BPTF: variants seen among roughly 807,000 people sequenced by gnomAD.
BPTF encodes bromodomain PHD finger transcription factor.
Under a neutral mutation model 292.5 loss-of-function variants are expected in BPTF, and 18 were observed. The observed-to-expected ratio is 0.06, with a 90% confidence interval of 0.04 to 0.09. BPTF has a LOEUF of 0.09. BPTF is among the 10% of genes least tolerant of loss of function. The probability of loss-of-function intolerance (pLI) is 1.00; values close to 1 mark genes in which losing one functional copy is unlikely to be tolerated. For synonymous variants in BPTF, 1,225 were observed against 1,251.9 expected, an observed-to-expected ratio of 0.98 and a Z score of 0.45; for missense variants, 2,726 against 3,498.7, an observed-to-expected ratio of 0.78 and a Z score of 5.57.
intron 10 of BPTF, among the ~76,000 whole-genome samples, chr17:67,910,299 C>T (rs528229545): frequency 1.3e-5 from 2 of 152,192 alleles, no homozygotes; most frequent in South Asian, 2.1e-4. Context: ...TTTGGCTATA[C>T]GAATAATGCT....
intron 2 of BPTF, among the ~76,000 whole-genome samples, chr17:67,861,267 T>C (rs1375547081): frequency 6.6e-6 from 1 of 152,122 alleles, no homozygotes; most frequent in Non-Finnish European, 1.5e-5. Flanking sequence ...TACAAGCCAG[T>C]GTCATCTTCA....
chr17:67,949,391 A>G (rs2066066493), intron 23 of BPTF, among the ~76,000 whole-genome samples: 2 of 151,860 alleles, frequency 1.3e-5, no homozygotes, highest in South Asian at 2.1e-4. Context: ...CCAGACCAAC[A>G]TGGTGAAACC....
At chr17:67,831,908 A>G (rs1335140619) in intron 1 of BPTF, among the ~76,000 whole-genome samples, 1 of 151,994 alleles carries the variant, frequency 6.6e-6, no homozygotes, top group African/African-American at 2.4e-5. Flanking sequence ...TTATTTATTT[A>G]TGAGACAGAG....
intron 2 of BPTF, among the ~76,000 whole-genome samples, chr17:67,858,976 A>T (rs2058904622): frequency 6.6e-6 from 1 of 152,188 alleles, no homozygotes; most frequent in South Asian, 2.1e-4. Context: ...TTAGTTTCAG[A>T]GACCTGTAAA....
intron 23 of BPTF, 130 bp downstream of exon 23, chr17:67,948,436 T>A: frequency 1.2e-6 from 1 of 827,182 alleles, no homozygotes; most frequent in Non-Finnish European, 1.8e-6. Context: ...GTACATAGAG[T>A]AAAAAGCAGT....
At chr17:67,958,470 G>C (rs1409913724) in intron 23 of BPTF, among the ~76,000 whole-genome samples, 4 of 152,202 alleles carry the variant, frequency 2.6e-5, no homozygotes, top group Admixed American at 1.3e-4. Context: ...GCTCACACCT[G>C]TAATCCCAGG....
At chr17:67,933,787 A>T (rs2064646780) in intron 18 of BPTF, among the ~76,000 whole-genome samples, 1 of 152,168 alleles carries the variant, frequency 6.6e-6, no homozygotes, top group African/African-American at 2.4e-5. Flanking sequence ...ACCCAGGCGC[A>T]GTGGCTCATG....
At chr17:67,900,209 A>G (rs1295218251) in intron 7 of BPTF, among the ~76,000 whole-genome samples, 1 of 151,960 alleles carries the variant, frequency 6.6e-6, no homozygotes, top group Non-Finnish European at 1.5e-5. Context: ...GTTTCAAGCA[A>G]TTCTCCTGCC....
chr17:67,981,759 A>G, intron 27 of BPTF: 2 of 978,182 alleles, frequency 2.0e-6, no homozygotes, highest in Non-Finnish European at 2.4e-6. Context: ...CTGTGAAACT[A>G]GAAGGGAGAC....
rs751039972 is a variant in BPTF at position 67,826,150 on chromosome 17, CGAG to C, written c.444_446del (p.Glu148del). On this transcript the variant is annotated inframe_deletion, in exon 1 of 28. Transcript: ENST00000306378. The stretch of plus-strand genomic sequence containing the variant: ...AGGAGGAAGAGGAGGACATGGTCTC[CGAG>C]GAGGAGGAGGAGGAGGACGGCGACG... 6,778 of 1,410,690 alleles carry C rather than the reference CGAG, an allele frequency of 4.8e-3. No homozygotes were observed. The highest frequency in any genetic ancestry group is 5.5e-3 in the Non-Finnish European group (5,640 of 1,023,326). The allele number at this position is 1,410,690 out of a possible 1,614,324, so 87.4% of individuals were successfully genotyped here. A position where few individuals can be genotyped will look rare whatever the true frequency, so the allele number is the denominator to read the frequency against.
At chr17:67,905,900 G>A (rs1243661141) in intron 9 of BPTF, among the ~76,000 whole-genome samples, 2 of 151,716 alleles carry the variant, frequency 1.3e-5, no homozygotes, top group African/African-American at 2.4e-5. Flanking sequence ...GGGGCCTGTC[G>A]TGGGGTTGGG....
chr17:67,881,499 T>G (rs397857458), intron 4 of BPTF, among the ~76,000 whole-genome samples: 14,597 of 136,402 alleles, frequency 0.11, 2,845 homozygotes, highest in African/African-American at 0.39. Flanking sequence ...AGGTTTTTTT[T>G]TTTTTTTTTT....
intron 1 of BPTF, among the ~76,000 whole-genome samples, chr17:67,846,289 A>C (rs1363162611): frequency 4.6e-5 from 7 of 152,246 alleles, no homozygotes; most frequent in Non-Finnish European, 1.0e-4. Context: ...CAGCAGTTTT[A>C]GAGCAGCCTG....
chr17:67,892,227 A>G (rs2061165397), intron 5 of BPTF, among the ~76,000 whole-genome samples, 193 bp downstream of exon 5: 1 of 152,234 alleles, frequency 6.6e-6, no homozygotes, highest in Non-Finnish European at 1.5e-5. Flanking sequence ...TGCGTACCCA[A>G]ATTTCAGTCA....
intron 16 of BPTF, chr17:67,928,975 C>T (rs2064140186): frequency 8.6e-7 from 1 of 1,168,958 alleles, no homozygotes; most frequent in East Asian, 4.9e-5. Flanking sequence ...GCACAGCTGC[C>T]ACATCTGCTA....
At chr17:67,845,933 A>T (rs1281446002) in intron 1 of BPTF, among the ~76,000 whole-genome samples, 1 of 151,958 alleles carries the variant, frequency 6.6e-6, no homozygotes, top group Admixed American at 6.6e-5. Flanking sequence ...TTGGGGAAAA[A>T]ACTAAAGAGG....
intron 13 of BPTF, among the ~76,000 whole-genome samples, chr17:67,922,307 A>T (rs529858264): frequency 5.3e-5 from 8 of 152,206 alleles, no homozygotes; most frequent in South Asian, 2.1e-4. Context: ...TTTATTTTTT[A>T]AATCTTTTTA....
intron 1 of BPTF, among the ~76,000 whole-genome samples, chr17:67,838,374 T>A (rs998470559): frequency 2.0e-5 from 3 of 152,238 alleles, no homozygotes; most frequent in African/African-American, 4.8e-5. Flanking sequence ...TATTTTTGCT[T>A]CTTCTCTTTA....
At chr17:67,947,867 A>C (rs561811997) in intron 22 of BPTF, 59 bp downstream of exon 22, 5 of 1,476,944 alleles carry the variant, frequency 3.4e-6, no homozygotes, top group Admixed American at 4.3e-5. Flanking sequence ...GTGCACACGC[A>C]CAGAGTTCTG....
Sources: gnomAD v4.1 joint callset for allele counts (sites outside exome capture counted in the v4.1 genomes callset) on GRCh38, gnomAD v4.1.1 for gene constraint, MANE v1.5 for transcripts, NCBI Gene and HGNC (gene_info 2026-07-23, HGNC 2026-07-21) for gene names.